The following GCNT2 variants were observed in gnomAD, a reference collection of about 807,000 sequenced individuals.
The protein encoded by GCNT2 is N-acetyllactosaminide beta-1,6-N-acetylglucosaminyl-transferase.
In GCNT2, 34 loss-of-function variants were observed where a neutral mutation model predicts 34.2. The observed-to-expected ratio is 1.00, with a 90% confidence interval of 0.76 to 1.32. The LOEUF is 1.32. Among genes scored for constraint, GCNT2 ranks in the 40% most tolerant of loss-of-function variants. The probability of loss-of-function intolerance (pLI) is 0.00; values close to 1 mark genes in which losing one functional copy is unlikely to be tolerated. For synonymous variants in GCNT2, 212 were observed against 188.0 expected (o/e 1.13, Z -1.04); for missense variants, 584 against 489.4 (o/e 1.19, Z -1.82).
At chr6:10,586,707 G>A in intron 3 of GCNT2, 3 of 1,614,044 alleles carry the variant, frequency 1.9e-6, no homozygotes, top group Non-Finnish European at 2.5e-6. Flanking sequence ...TACAGATAAA[G>A]GTGGCTTTTT....
chr6:10,613,364 T>G (rs1765635723), intron 3 of GCNT2, among the ~76,000 whole-genome samples: 1 of 150,658 alleles, frequency 6.6e-6, no homozygotes, highest in Admixed American at 6.6e-5. Context: ...AAATGTTTTC[T>G]CAGATAATAT....
chr6:10,586,424 T>A (rs753546914), intron 3 of GCNT2: 2 of 1,614,134 alleles, frequency 1.2e-6, no homozygotes, highest in South Asian at 2.2e-5. Context: ...AGTTACTGAG[T>A]TGCTTCCAAA....
At chr6:10,582,454 A>G (rs1256034076) in intron 3 of GCNT2, among the ~76,000 whole-genome samples, 1 of 127,434 alleles carries the variant, frequency 7.8e-6, no homozygotes, top group African/African-American at 3.1e-5. Flanking sequence ...TATATAATAT[A>G]TATAATAAAT....
intron 3 of GCNT2, among the ~76,000 whole-genome samples, chr6:10,612,459 CAT>C (rs1233367441): frequency 2.0e-5 from 3 of 152,172 alleles, no homozygotes; most frequent in Non-Finnish European, 4.4e-5. Flanking sequence ...TCCTAAACGA[CAT>C]AGGTCAGCCC....
chr6:10,581,931 AGT>A, intron 3 of GCNT2: 7 of 916,518 alleles, frequency 7.6e-6, no homozygotes, highest in East Asian at 1.2e-4. Context: ...ACATTTCTAG[AGT>A]GTGTGTGAAT....
At chr6:10,533,104 C>G (rs1190202619) in intron 3 of GCNT2, among the ~76,000 whole-genome samples, 2 of 150,280 alleles carry the variant, frequency 1.3e-5, no homozygotes, top group African/African-American at 4.9e-5. Flanking sequence ...GTCAGGAGTT[C>G]AAGACCAGCC....
chr6:10,604,550 A>G (rs1765227406), intron 3 of GCNT2, among the ~76,000 whole-genome samples: 1 of 152,196 alleles, frequency 6.6e-6, no homozygotes, highest in African/African-American at 2.4e-5. Context: ...CTTTAGTGCT[A>G]TAGATAATAC....
intron 3 of GCNT2, among the ~76,000 whole-genome samples, chr6:10,594,540 T>A (rs1764767411): frequency 6.6e-6 from 1 of 152,234 alleles, no homozygotes; most frequent in African/African-American, 2.4e-5. Context: ...CTCTTCATTT[T>A]GTAGTCACAA....
At chr6:10,586,270 C>T (rs1442296819) in intron 3 of GCNT2, 1 of 1,614,074 alleles carries the variant, frequency 6.2e-7, no homozygotes, top group Admixed American at 1.7e-5. Context: ...GAAGAGGCTG[C>T]ATTCCCTTTG....
intron 3 of GCNT2, among the ~76,000 whole-genome samples, chr6:10,541,820 A>G (rs1263931495): frequency 1.3e-5 from 2 of 152,206 alleles, no homozygotes; most frequent in African/African-American, 4.8e-5. Context: ...TTGAGGACCC[A>G]GTTGAGTTGG....
At chr6:10,599,939 CAG>C (rs1243527866) in intron 3 of GCNT2, among the ~76,000 whole-genome samples, 1 of 152,106 alleles carries the variant, frequency 6.6e-6, no homozygotes, top group Non-Finnish European at 1.5e-5. Context: ...TCAGGAATAA[CAG>C]AATGATTTTG....
chr6:10,609,245 G>A (rs1211839000), intron 3 of GCNT2, among the ~76,000 whole-genome samples: 1 of 152,218 alleles, frequency 6.6e-6, no homozygotes, highest in Non-Finnish European at 1.5e-5. Context: ...GGAAGCTCAA[G>A]AGCACAGCAG....
intron 3 of GCNT2, among the ~76,000 whole-genome samples, chr6:10,569,545 T>C (rs1763444260): frequency 6.6e-6 from 1 of 152,204 alleles, no homozygotes; most frequent in South Asian, 2.1e-4. Context: ...GCAACAGCAA[T>C]GAGACAGTTC....
At position 10,612,278 on chromosome 6, in the gene GCNT2, C is replaced by T. The variant is rs139916582; in HGVS notation, c.926-9073C>T. 8.7e-4 allele frequency among the ~76,000 whole-genome samples: 132 copies of T among 152,220 alleles called. No homozygotes were observed. In the East Asian group the frequency reaches 8.7e-3, roughly 10 times the overall value. On this transcript the variant is annotated intron_variant, in intron 3 of 4. Transcript: ENST00000495262. ...CTGAGATTACAGGCGTGAGCCACCG[C>T]GCCCGGCCTTTGTTTTTGTTTTAAC...
intron 3 of GCNT2, chr6:10,556,379 T>C: frequency 6.2e-7 from 1 of 1,611,780 alleles, no homozygotes; most frequent in South Asian, 1.1e-5. Flanking sequence ...GAAAAAAGAC[T>C]TACAGATTTT....
At chr6:10,608,644 C>T (rs539399819) in intron 3 of GCNT2, among the ~76,000 whole-genome samples, 15 of 152,232 alleles carry the variant, frequency 9.9e-5, no homozygotes, top group South Asian at 2.1e-4. Context: ...ATCCAGCCTG[C>T]GCAATAGAGC....
chr6:10,617,750 C>CTTTTTTTTTTTTTTTTTTTTT (rs3064178), intron 3 of GCNT2, among the ~76,000 whole-genome samples: 6 of 101,740 alleles, frequency 5.9e-5, no homozygotes, highest in African/African-American at 3.0e-4. Context: ...TGCATTTCTT[C>CTTTTTTTTTTTTTTTTTTTTT]TTTTTTTTTT....
chr6:10,555,046 A>G (rs749589280), intron 3 of GCNT2, among the ~76,000 whole-genome samples: 37 of 152,282 alleles, frequency 2.4e-4, no homozygotes, highest in Middle Eastern at 3.4e-3. Flanking sequence ...TGTCCTATCA[A>G]TTCCATTCAT....
At chr6:10,622,728 A>G (rs1766087978) in intron 4 of GCNT2, among the ~76,000 whole-genome samples, 1 of 127,790 alleles carries the variant, frequency 7.8e-6, no homozygotes, top group Non-Finnish European at 1.6e-5. Context: ...CTTTGCCTCT[A>G]CTCCTCAGTC....
Sources: allele counts gnomAD v4.1 joint callset (sites outside exome capture counted in the v4.1 genomes callset), GRCh38; gene constraint gnomAD v4.1.1; transcripts MANE v1.5; gene names NCBI Gene and HGNC (gene_info 2026-07-23, HGNC 2026-07-21).